Variants in GNA12 observed in about 807,000 individuals in gnomAD.
GNA12 encodes G protein subunit alpha 12.
Under a neutral mutation model 26.0 loss-of-function variants are expected in GNA12, and 9 were observed. The ratio of observed to expected loss-of-function variants is 0.35; its 90% CI spans 0.21 to 0.60. The LOEUF (loss-of-function observed/expected upper bound fraction) is 0.60, where lower values mean the gene tolerates loss of function less well. GNA12 is among the 20% of genes least tolerant of loss of function. The pLI is 0.78. For missense variants in GNA12, 405 were observed against 525.8 expected (o/e 0.77, Z 2.25); for synonymous variants, 264 against 219.6 (o/e 1.20, Z -1.79).
intron 2 of GNA12, among the ~76,000 whole-genome samples, chr7:2,739,698 G>A (rs1207767701): frequency 6.6e-6 from 1 of 152,062 alleles, no homozygotes; most frequent in Non-Finnish European, 1.5e-5. Context: ...ATTTTAAAAT[G>A]GAGTCTCGCC....
In GNA12 at chr7:2,780,046, G is replaced by GTATATATATATATATA. The variant is rs1338485354; in HGVS notation, c.525+14881_525+14882insTATATATATATATATA. Among the ~76,000 whole-genome samples, 5 of 85,824 alleles carry GTATATATATATATATA rather than the reference G, an allele frequency of 5.8e-5. 1 individual carries two copies. The highest frequency in any genetic ancestry group is 1.8e-4 in the African/African-American group (4 of 22,182). 56.3% of individuals were successfully genotyped at this position (85,824 alleles called of 152,430 possible). ...ACGTACTAGTTTTTTACACATTTCT[G>GTATATATATATATATA]TGTACATATATATATATATATATAT... is the stretch of plus-strand genomic sequence containing the variant. On this transcript the variant is annotated intron_variant, in intron 2 of 3. Transcript: ENST00000275364.
intron 1 of GNA12, among the ~76,000 whole-genome samples, chr7:2,813,637 A>G (rs1379877096): frequency 6.6e-6 from 1 of 152,156 alleles, no homozygotes; most frequent in Non-Finnish European, 1.5e-5. Flanking sequence ...AGGAAATGAA[A>G]ATGGAAATGG....
chr7:2,790,248 T>A (rs1463694415), intron 2 of GNA12, among the ~76,000 whole-genome samples: 3 of 152,230 alleles, frequency 2.0e-5, no homozygotes, highest in African/African-American at 7.2e-5. Flanking sequence ...CTGATTATTT[T>A]TCAATTACAT....
chr7:2,796,598 C>A (rs915237483), intron 1 of GNA12, among the ~76,000 whole-genome samples: 1 of 152,174 alleles, frequency 6.6e-6, no homozygotes, highest in African/African-American at 2.4e-5. Context: ...GACTAAAATA[C>A]GACAAGCCAA....
chr7:2,822,318 T>C (rs1314866900), intron 1 of GNA12, among the ~76,000 whole-genome samples: 3 of 152,220 alleles, frequency 2.0e-5, no homozygotes, highest in Non-Finnish European at 4.4e-5. Context: ...ATCTACCTAC[T>C]GGAACTAGCA....
At chr7:2,755,679 C>A (rs1324130731) in intron 2 of GNA12, among the ~76,000 whole-genome samples, 1 of 152,218 alleles carries the variant, frequency 6.6e-6, no homozygotes, top group African/African-American at 2.4e-5. Context: ...CATCTGCCAA[C>A]AGGAACAGTC....
chr7:2,765,400 C>T (rs898927339), intron 2 of GNA12, among the ~76,000 whole-genome samples: 3 of 152,026 alleles, frequency 2.0e-5, no homozygotes, highest in African/African-American at 7.2e-5. Context: ...ACCTCGTGAT[C>T]CGCCCGCCTC....
chr7:2,765,607 C>T (rs1251680716), intron 2 of GNA12, among the ~76,000 whole-genome samples: 2 of 150,974 alleles, frequency 1.3e-5, no homozygotes, highest in African/African-American at 4.9e-5. Context: ...GTTCTGTATC[C>T]TGTGTTTGTT....
rs1299756954 is a variant in GNA12, at chr7:2,843,942, G to A, written c.220C>T (p.Leu74Phe). ...GAGESGKSTF[L>F]KQMRIIHGRE... ...CCGTGGATGATGCGCATCTGCTTGA[G>A]GAACGTGGACTTGCCGCTCTCGCCC... is the stretch of plus-strand genomic sequence containing the variant. The change falls in exon 1 of 4, where the codon CTC becomes TTC. Residue 74 changes from leucine to phenylalanine, a missense_variant. Transcript: ENST00000275364. 1 of 1,593,214 alleles carries A rather than the reference G, an allele frequency of 6.3e-7. No individual in the cohort carries two copies. Among genetic ancestry groups the A allele is most frequent in the African/African-American group, 1.4e-5 (1 of 72,750 alleles).
chr7:2,779,347 CATAA>C (rs907028015), intron 2 of GNA12, among the ~76,000 whole-genome samples: 2 of 151,994 alleles, frequency 1.3e-5, no homozygotes, highest in East Asian at 1.9e-4. Flanking sequence ...GACCCTGTCT[CATAA>C]ATAAATAAAT....
At chr7:2,809,478 T>G (rs1216332243) in intron 1 of GNA12, among the ~76,000 whole-genome samples, 1 of 152,206 alleles carries the variant, frequency 6.6e-6, no homozygotes, top group Non-Finnish European at 1.5e-5. Context: ...GACTCATTAT[T>G]GACATTAATA....
chr7:2,794,622 G>A (rs1024207112), intron 2 of GNA12: 11 of 363,468 alleles, frequency 3.0e-5, no homozygotes, highest in African/African-American at 1.9e-4. Flanking sequence ...TTCCTACTAT[G>A]AACAAGATCT....
At chr7:2,810,412 C>CA (rs1212641955) in intron 1 of GNA12, among the ~76,000 whole-genome samples, 3 of 152,128 alleles carry the variant, frequency 2.0e-5, no homozygotes, top group African/African-American at 7.2e-5. Context: ...GTTAGGATTT[C>CA]AACATAGGAA....
intron 3 of GNA12, among the ~76,000 whole-genome samples, chr7:2,732,343 T>C (rs546711489): frequency 5.2e-4 from 79 of 152,186 alleles, no homozygotes; most frequent in African/African-American, 1.8e-3. Context: ...GCCCAGAAGT[T>C]CAAGAACAGC....
At chr7:2,791,118 AATTTT>A (rs1441336646) in intron 2 of GNA12, among the ~76,000 whole-genome samples, 9 of 152,338 alleles carry the variant, frequency 5.9e-5, no homozygotes, top group Non-Finnish European at 1.3e-4. Context: ...AAAAATGCTA[AATTTT>A]ATTTTATTAA....
At chr7:2,814,943 C>T in intron 1 of GNA12, 4 of 1,582,792 alleles carry the variant, frequency 2.5e-6, no homozygotes, top group Non-Finnish European at 3.4e-6. Flanking sequence ...CAAATGCCTA[C>T]AATACAGTAG....
chr7:2,763,089 G>T (rs1791645526), intron 2 of GNA12: 2 of 1,250,152 alleles, frequency 1.6e-6, no homozygotes, highest in African/African-American at 3.1e-5. Context: ...CCTTGAGTGA[G>T]AGACCACAAG....
At chr7:2,753,890 T>A (rs1271475557) in intron 2 of GNA12, among the ~76,000 whole-genome samples, 1 of 152,158 alleles carries the variant, frequency 6.6e-6, no homozygotes, top group African/African-American at 2.4e-5. Flanking sequence ...TCAGTAAGGA[T>A]CATCTCAATG....
intron 2 of GNA12, among the ~76,000 whole-genome samples, chr7:2,780,022 C>T (rs6964740): frequency 7.5e-6 from 1 of 133,750 alleles, no homozygotes; most frequent in Admixed American, 7.7e-5. Flanking sequence ...ACTTACACCA[C>T]GTACTAGTTT....
Sources: gnomAD v4.1 joint callset for allele counts (sites outside exome capture counted in the v4.1 genomes callset) on GRCh38, gnomAD v4.1.1 for gene constraint, MANE v1.5 for transcripts, NCBI Gene and HGNC (gene_info 2026-07-23, HGNC 2026-07-21) for gene names.